The following UPRT variants were observed in gnomAD, a reference collection of about 807,000 sequenced individuals.
UPRT encodes the protein RP11-311P8.3.
In UPRT, 5 loss-of-function variants were observed where a neutral mutation model predicts 22.6. The ratio of observed to expected loss-of-function variants is 0.22; its 90% CI spans 0.12 to 0.47. The LOEUF (loss-of-function observed/expected upper bound fraction) is 0.47. Ranked by LOEUF, UPRT falls within the 20% of genes least tolerant of loss-of-function variation. The pLI is 0.99. For synonymous variants in UPRT, 77 were observed against 87.7 expected, an observed-to-expected ratio of 0.88 and a Z score of 0.68; for missense variants, 181 against 239.9, an observed-to-expected ratio of 0.75 and a Z score of 1.62.
intron 4 of UPRT, among the ~76,000 whole-genome samples, chrX:75,264,799 G>A (rs1168990044): frequency 8.9e-6 from 1 of 111,800 alleles, no homozygotes; most frequent in Non-Finnish European, 1.9e-5. Context: ...GGTCTCTACA[G>A]TTTGGCATGT....
chrX:75,274,064 TG>T, upstream of UPRT: 1 of 523,933 alleles, frequency 1.9e-6, no homozygotes, highest in Non-Finnish European at 2.9e-6. Context: ...GCAGTACGTC[TG>T]GTGTGGGCGG....
chrX:75,180,339 C>T (rs1091868), intron 4 of UPRT, among the ~76,000 whole-genome samples: 2 of 111,969 alleles, frequency 1.8e-5, no homozygotes, highest in Admixed American at 1.9e-4. Context: ...CTGTGTTTTG[C>T]TCAGCTCTCT....
At chrX:75,208,894 A>G (rs1253321942) in intron 4 of UPRT, among the ~76,000 whole-genome samples, 3 of 111,880 alleles carry the variant, frequency 2.7e-5, no homozygotes, top group African/African-American at 9.8e-5. Flanking sequence ...AGAAAGTAAC[A>G]GAGTGGATAA....
At chrX:75,226,720 C>T (rs1301481613) in intron 4 of UPRT, among the ~76,000 whole-genome samples, 2 of 110,134 alleles carry the variant, frequency 1.8e-5, no homozygotes, top group African/African-American at 6.6e-5. Context: ...CCATCACTCT[C>T]GATTCCCTTT....
chrX:75,235,982 C>T (rs2082461644), intron 4 of UPRT, among the ~76,000 whole-genome samples: 1 of 110,674 alleles, frequency 9.0e-6, no homozygotes, highest in African/African-American at 3.3e-5. Flanking sequence ...AAAGGGTATT[C>T]AATTAGGAAA....
chrX:75,249,898 TAACA>T (rs753016664), intron 4 of UPRT, among the ~76,000 whole-genome samples: 41 of 111,509 alleles, frequency 3.7e-4, no homozygotes, highest in Non-Finnish European at 7.0e-4. Flanking sequence ...AACTCAGGAT[TAACA>T]AACTCACTCA....
intron 4 of UPRT, among the ~76,000 whole-genome samples, chrX:75,207,234 C>T (rs1484110131): frequency 1.8e-5 from 2 of 111,972 alleles, no homozygotes; most frequent in Non-Finnish European, 3.8e-5. Flanking sequence ...GTTAACACTC[C>T]CTTTAGTAGG....
chrX:75,184,118 T>A (rs1348742109), intron 4 of UPRT, among the ~76,000 whole-genome samples: 1 of 111,764 alleles, frequency 8.9e-6, no homozygotes, highest in Non-Finnish European at 1.9e-5. Flanking sequence ...TCCTGAATGA[T>A]AATGCCTAGG....
chrX:75,184,919 G>A (rs921671164), intron 4 of UPRT, among the ~76,000 whole-genome samples: 13 of 110,722 alleles, frequency 1.2e-4, no homozygotes, highest in Admixed American at 1.2e-3. Flanking sequence ...GGAGATTTTG[G>A]GCTCACACAA....
intron 4 of UPRT, among the ~76,000 whole-genome samples, chrX:75,264,552 C>CT (rs1164980874): frequency 1.8e-5 from 2 of 109,533 alleles, no homozygotes; most frequent in African/African-American, 3.3e-5. Flanking sequence ...CAACCCCTTC[C>CT]TTTTTTTGTT....
intron 4 of UPRT, among the ~76,000 whole-genome samples, chrX:75,194,769 A>G (rs2082328034): frequency 9.0e-6 from 1 of 110,903 alleles, no homozygotes; most frequent in South Asian, 3.9e-4. Flanking sequence ...TGTAGGGCCA[A>G]GGTGCTGGCA....
chrX:75,185,483 T>C (rs1394397404), intron 4 of UPRT, among the ~76,000 whole-genome samples: 1 of 111,985 alleles, frequency 8.9e-6, no homozygotes, highest in Non-Finnish European at 1.9e-5. Context: ...TAAAATTCTC[T>C]TTTTTGGTTG....
intron 4 of UPRT, among the ~76,000 whole-genome samples, chrX:75,251,812 T>C (rs2082531144): frequency 1.8e-5 from 2 of 111,199 alleles, no homozygotes; most frequent in Admixed American, 1.9e-4. Context: ...CTTCAAACTA[T>C]ACTACAAGGC....
intron 2 of UPRT, chrX:75,294,613 T>C: frequency 2.0e-6 from 2 of 982,446 alleles, no homozygotes; most frequent in Non-Finnish European, 1.3e-6. Context: ...CCTGTTCTGC[T>C]TTTCATCGTA....
At chrX:75,288,696 A>G (rs2082692660) in intron 1 of UPRT, among the ~76,000 whole-genome samples, 1 of 111,941 alleles carries the variant, frequency 8.9e-6, no homozygotes, top group Non-Finnish European at 1.9e-5. Flanking sequence ...AAATAATAAC[A>G]GCCATATATC....
chrX:75,170,730 A>G (rs939436099), intron 4 of UPRT, among the ~76,000 whole-genome samples: 2 of 111,094 alleles, frequency 1.8e-5, no homozygotes, highest in Non-Finnish European at 3.8e-5. Context: ...GTTTTGTTTC[A>G]ATATCTAGGA....
At chrX:75,166,394 A>G (rs779188673) in intron 3 of UPRT, among the ~76,000 whole-genome samples, 142 of 111,768 alleles carry the variant, frequency 1.3e-3, no homozygotes, top group African/African-American at 4.4e-3. Flanking sequence ...AGTGTTGAGC[A>G]TGTTGTCTGT....
At chrX:75,214,271 G>A (rs1283392489) in intron 4 of UPRT, among the ~76,000 whole-genome samples, 4 of 112,615 alleles carry the variant, frequency 3.6e-5, no homozygotes, top group African/African-American at 1.3e-4. Flanking sequence ...ATTGATAGAT[G>A]AATGGATAAA....
chrX:75,160,890 A>G (rs765543894), intron 2 of UPRT, among the ~76,000 whole-genome samples: 10 of 111,974 alleles, frequency 8.9e-5, no homozygotes, highest in Non-Finnish European at 9.4e-5. Flanking sequence ...CTCAACAGCT[A>G]TTATTTGAAA....
Sources: allele counts gnomAD v4.1 joint callset (sites outside exome capture counted in the v4.1 genomes callset), GRCh38; gene constraint gnomAD v4.1.1; transcripts MANE v1.5; gene names NCBI Gene and HGNC (gene_info 2026-07-23, HGNC 2026-07-21).